GRM5: variants seen among roughly 807,000 people sequenced by gnomAD.
GRM5 encodes glutamate metabotropic receptor 5.
In GRM5, 19 loss-of-function variants were observed where a neutral mutation model predicts 83.1. The ratio of observed to expected loss-of-function variants is 0.23; its 90% confidence interval spans 0.16 to 0.34. The LOEUF is 0.34. Ranked by LOEUF, GRM5 falls within the 10% of genes least tolerant of loss-of-function variation. GRM5 has a pLI of 1.00. For missense variants in GRM5, 1,160 were observed against 1,588.3 expected (o/e 0.73, Z 4.58); for synonymous variants, 675 against 633.6 (o/e 1.07, Z -0.98).
At chr11:88,886,881 A>G (rs1180312920) in intron 2 of GRM5, among the ~76,000 whole-genome samples, 1 of 152,102 alleles carries the variant, frequency 6.6e-6, no homozygotes, top group Non-Finnish European at 1.5e-5. Flanking sequence ...GATATAGCTC[A>G]AGGGAAGGCA....
chr11:88,657,889 A>G (rs1939805379), intron 3 of GRM5, among the ~76,000 whole-genome samples: 1 of 152,112 alleles, frequency 6.6e-6, no homozygotes. Flanking sequence ...CTTTATATTC[A>G]CTGCAGATGG....
At chr11:88,629,671 C>T (rs1279991546) in intron 4 of GRM5, among the ~76,000 whole-genome samples, 2 of 152,158 alleles carry the variant, frequency 1.3e-5, no homozygotes, top group East Asian at 1.9e-4. Flanking sequence ...CCTCCAATTG[C>T]CCTTGGATAC....
At chr11:88,784,283 A>G (rs937380834) in intron 3 of GRM5, among the ~76,000 whole-genome samples, 2 of 152,082 alleles carry the variant, frequency 1.3e-5, no homozygotes, top group Non-Finnish European at 2.9e-5. Flanking sequence ...GAGATTTTCA[A>G]TATCTTAGAG....
chr11:88,615,766 G>A (rs977709170), intron 4 of GRM5, among the ~76,000 whole-genome samples: 35 of 151,734 alleles, frequency 2.3e-4, no homozygotes, highest in Middle Eastern at 3.4e-3. Context: ...TTGTTAATAC[G>A]TTAGTCTCAA....
chr11:88,971,932 C>T (rs1490582385), intron 2 of GRM5, among the ~76,000 whole-genome samples: 1 of 152,020 alleles, frequency 6.6e-6, no homozygotes, highest in East Asian at 1.9e-4. Context: ...GCCAGAGGTA[C>T]TCTAGGGGCA....
chr11:88,641,106 C>G (rs1939281436), intron 4 of GRM5, among the ~76,000 whole-genome samples: 1 of 152,024 alleles, frequency 6.6e-6, no homozygotes, highest in African/African-American at 2.4e-5. Context: ...GGGGAGGCCT[C>G]AGGAAGCTTT....
At chr11:88,895,850 C>A (rs1347512176) in intron 2 of GRM5, among the ~76,000 whole-genome samples, 1 of 151,850 alleles carries the variant, frequency 6.6e-6, no homozygotes, top group African/African-American at 2.4e-5. Flanking sequence ...GTTTATTGCA[C>A]CTTCTAAGTG....
chr11:88,660,200 CA>C (rs1939868975), intron 3 of GRM5, among the ~76,000 whole-genome samples: 1 of 152,150 alleles, frequency 6.6e-6, no homozygotes, highest in African/African-American at 2.4e-5. Flanking sequence ...CCTTTTTACT[CA>C]ATCTTTCCAT....
chr11:89,053,909 G>A lies in GRM5; in HGVS notation c.-200-5837C>T, dbSNP rs1210346690. Among the ~76,000 whole-genome samples, 4 of 152,282 alleles carry A rather than the reference G, an allele frequency of 2.6e-5. No individual in the cohort carries two copies. The East Asian group carries it at 5.8e-4, about 22-fold the overall frequency. On this transcript the variant is annotated intron_variant, in intron 1 of 9. Coordinates refer to ENST00000305447, the MANE Select transcript of GRM5 (RefSeq NM_001143831.3). ...ACAGACTTAATATTTAGTGTGCTGA[G>A]GAGTAGCAAACAGCCTCATGTGGCT...
intron 3 of GRM5, among the ~76,000 whole-genome samples, chr11:88,762,484 C>T (rs1398354657): frequency 7.6e-6 from 1 of 130,864 alleles, no homozygotes; most frequent in East Asian, 2.2e-4. Flanking sequence ...CAATGAGATA[C>T]CATCTCACAC....
intron 2 of GRM5, among the ~76,000 whole-genome samples, chr11:88,864,057 T>C (rs1944615672): frequency 6.7e-6 from 1 of 149,552 alleles, no homozygotes; most frequent in African/African-American, 2.5e-5. Flanking sequence ...AAAAGGTCTG[T>C]TCATAAAGTA....
At chr11:88,905,523 G>A (rs975308144) in intron 2 of GRM5, among the ~76,000 whole-genome samples, 3 of 152,024 alleles carry the variant, frequency 2.0e-5, no homozygotes, top group South Asian at 2.1e-4. Flanking sequence ...TGTATTTTTA[G>A]TAGAGACGGG....
At chr11:88,911,766 G>A (rs546350527) in intron 2 of GRM5, among the ~76,000 whole-genome samples, 2 of 152,194 alleles carry the variant, frequency 1.3e-5, no homozygotes, top group African/African-American at 4.8e-5. Context: ...TGAGGGGGAA[G>A]TAAATTAGTA....
At chr11:88,912,200 G>T (rs920875520) in intron 2 of GRM5, 18 of 197,522 alleles carry the variant, frequency 9.1e-5, no homozygotes, top group Non-Finnish European at 1.9e-4. Flanking sequence ...TAGGTATTCC[G>T]CATCAAGATA....
At chr11:89,011,389 T>C (rs1316874197) in intron 2 of GRM5, among the ~76,000 whole-genome samples, 2 of 152,178 alleles carry the variant, frequency 1.3e-5, no homozygotes, top group Non-Finnish European at 2.9e-5. Flanking sequence ...GCTAAAACAG[T>C]TGTGAATATC....
In GRM5 at chr11:88,505,430, T is replaced by C. The variant is rs1433156818; in HGVS notation, c.*3162A>G. 6.6e-6 allele frequency: 1 copy of C among 152,260 alleles called. No individual in the cohort carries two copies. The highest frequency in any genetic ancestry group is 1.5e-5 in the Non-Finnish European group (1 of 68,038). The allele number at this position is 152,260 out of a possible 1,614,324, so 9.4% of individuals were successfully genotyped here. Reference sequence around the variant, plus strand: ...TTCATTTACAGTCAGAAATAGCTCCTAGTCTTCCTGATCACTTGCTGGTAA... The same window carrying C: ...TTCATTTACAGTCAGAAATAGCTCCCAGTCTTCCTGATCACTTGCTGGTAA... On this transcript the variant is annotated 3_prime_UTR_variant, in exon 10 of 10. Transcript: ENST00000305447.
chr11:88,905,899 T>G (rs1264733209), intron 2 of GRM5, among the ~76,000 whole-genome samples: 2 of 152,118 alleles, frequency 1.3e-5, no homozygotes. Flanking sequence ...GAGAAACATA[T>G]GCATTCTCTA....
At chr11:88,648,680 G>C (rs1939537021) in intron 4 of GRM5, among the ~76,000 whole-genome samples, 2 of 151,340 alleles carry the variant, frequency 1.3e-5, no homozygotes, top group Non-Finnish European at 2.9e-5. Flanking sequence ...TTTCAAGAGA[G>C]AGATTCAAAT....
intron 2 of GRM5, among the ~76,000 whole-genome samples, chr11:89,009,395 TAA>T (rs1233010124): frequency 6.6e-6 from 1 of 152,178 alleles, no homozygotes; most frequent in Non-Finnish European, 1.5e-5. Context: ...CTAATTGACC[TAA>T]GTTTCTTAGC....
Sources: allele counts gnomAD v4.1 joint callset (sites outside exome capture counted in the v4.1 genomes callset), GRCh38; gene constraint gnomAD v4.1.1; transcripts MANE v1.5; gene names NCBI Gene and HGNC (gene_info 2026-07-23, HGNC 2026-07-21).